Variants in SULF1 observed in about 807,000 individuals in gnomAD.
The protein encoded by SULF1 is sulfatase 1.
SULF1 carries 46 observed loss-of-function variants against 110.5 expected under a neutral mutation model. That is an observed-to-expected ratio of 0.42 (90% CI 0.33 to 0.53). The LOEUF (loss-of-function observed/expected upper bound fraction) is 0.53. Ranked by LOEUF, SULF1 falls within the 20% of genes least tolerant of loss-of-function variation. SULF1 has a pLI of 0.12. For synonymous variants in SULF1, 371 were observed against 387.1 expected, an observed-to-expected ratio of 0.96 and a Z score of 0.49; for missense variants, 941 against 1,094.2, an observed-to-expected ratio of 0.86 and a Z score of 1.98.
chr8:69,604,730 A>G (rs936620078), intron 12 of SULF1, 73 bp from the exon 13 acceptor site: 2 of 1,573,350 alleles, frequency 1.3e-6, no homozygotes, highest in Admixed American at 2.0e-5. Context: ...GGTAAAAAAA[A>G]AAAGGGGGCA....
At chr8:69,518,115 C>T (rs534729791) in intron 3 of SULF1, among the ~76,000 whole-genome samples, 9 of 152,212 alleles carry the variant, frequency 5.9e-5, no homozygotes, top group East Asian at 3.9e-4. Context: ...CCATTACCAC[C>T]GCCATCTTCT....
At position 69,468,508 on chromosome 8, in the gene SULF1, G is replaced by A. The variant is rs142236838; in HGVS notation, c.-391+1558G>A. Among the ~76,000 whole-genome samples, 375 of 152,168 alleles carry A rather than the reference G, an allele frequency of 2.5e-3. 2 individuals carry two copies. Among genetic ancestry groups the A allele is most frequent in the African/African-American group, 8.7e-3 (362 of 41,508 alleles). ...TATACTCTCAAACTTCTCCTTCAAT[G>A]AGAAATTATCCTCATAAATACCCAG... On this transcript the variant is annotated intron_variant, in intron 1 of 22. Transcript: ENST00000260128.
intron 18 of SULF1, among the ~76,000 whole-genome samples, chr8:69,628,567 G>A (rs534668545): frequency 2.0e-5 from 3 of 152,162 alleles, no homozygotes; most frequent in African/African-American, 4.8e-5. Context: ...AGACTCTCTC[G>A]ATGCAGTTGG....
chr8:69,595,142 G>A (rs1331761194), intron 8 of SULF1, among the ~76,000 whole-genome samples: 7 of 152,046 alleles, frequency 4.6e-5, no homozygotes, highest in Admixed American at 1.3e-4. Flanking sequence ...CTACAATTCC[G>A]TAGTTTTTTA....
chr8:69,640,869 C>A, intron 22 of SULF1, 28 bp downstream of exon 22: 1 of 1,602,412 alleles, frequency 6.2e-7, no homozygotes, highest in Non-Finnish European at 8.5e-7. Context: ...TTCTTCTCAA[C>A]AGCTTCTTCC....
chr8:69,579,324 T>C (rs1313953456), intron 6 of SULF1, among the ~76,000 whole-genome samples: 3 of 151,868 alleles, frequency 2.0e-5, no homozygotes, highest in African/African-American at 7.3e-5. Context: ...GAGGCTGAGA[T>C]GGGCGTATCA....
chr8:69,577,369 T>G (rs1805687649), intron 6 of SULF1, among the ~76,000 whole-genome samples: 1 of 152,214 alleles, frequency 6.6e-6, no homozygotes, highest in Admixed American at 6.5e-5. Context: ...GTTTTATAAC[T>G]GAGGTGGGGA....
chr8:69,533,313 T>C (rs1813228069), intron 3 of SULF1, among the ~76,000 whole-genome samples: 1 of 152,220 alleles, frequency 6.6e-6, no homozygotes, highest in African/African-American at 2.4e-5. Context: ...GGTACACATG[T>C]GCCATGGTGG....
rs141225696 is a variant in SULF1 at position 69,554,978 on chromosome 8, C to CAAAAA, written c.-133-8545_-133-8541dup. The stretch of plus-strand genomic sequence containing the variant: ...TGGGCGACAGGGCGAGATTCCATCT[C>CAAAAA]AAAAAAAAAAAAAAAAAAAACAAAA... On this transcript the variant is annotated intron_variant, in intron 3 of 22. Coordinates refer to ENST00000402687, the MANE Select transcript of SULF1 (RefSeq NM_001128205.2). Among the ~76,000 whole-genome samples, 22 of 63,480 alleles carry CAAAAA rather than the reference C, an allele frequency of 3.5e-4. 1 individual carries two copies. Among genetic ancestry groups the CAAAAA allele is most frequent in the South Asian group, 5.5e-4 (1 of 1,814 alleles). The allele number at this position is 63,480 out of a possible 152,430, so 41.6% of individuals were successfully genotyped here. A position where few individuals can be genotyped will look rare whatever the true frequency, so the allele number is the denominator to read the frequency against.
chr8:69,537,586 G>T (rs938941925), intron 3 of SULF1, among the ~76,000 whole-genome samples: 2 of 152,180 alleles, frequency 1.3e-5, no homozygotes, highest in African/African-American at 4.8e-5. Flanking sequence ...CATTCAAGGG[G>T]ATTCGTCCTC....
At chr8:69,499,720 A>G (rs1810655704) in intron 2 of SULF1, among the ~76,000 whole-genome samples, 1 of 152,218 alleles carries the variant, frequency 6.6e-6, no homozygotes, top group Non-Finnish European at 1.5e-5. Context: ...GCCCATAACA[A>G]TTAAATTATT....
chr8:69,636,522 G>A (rs762019913), intron 19 of SULF1, among the ~76,000 whole-genome samples: 2 of 151,126 alleles, frequency 1.3e-5, no homozygotes, highest in African/African-American at 2.5e-5. Flanking sequence ...GGGCGACAGA[G>A]CGATACTCCA....
At chr8:69,616,057 C>T (rs184529000) in intron 13 of SULF1, among the ~76,000 whole-genome samples, 15 of 150,390 alleles carry the variant, frequency 1.0e-4, no homozygotes, top group Admixed American at 2.0e-4. Flanking sequence ...TATATATACA[C>T]ACACATATAT....
At chr8:69,514,536 C>T (rs906753916) in intron 3 of SULF1, among the ~76,000 whole-genome samples, 6 of 152,286 alleles carry the variant, frequency 3.9e-5, no homozygotes, top group African/African-American at 1.4e-4. Flanking sequence ...TTCCTCTGGC[C>T]ACTCTCAAAT....
At chr8:69,474,216 T>C (rs1419530612) in intron 1 of SULF1, among the ~76,000 whole-genome samples, 1 of 152,194 alleles carries the variant, frequency 6.6e-6, no homozygotes, top group Admixed American at 6.5e-5. Flanking sequence ...TATACCAGAA[T>C]TATGGTGGGA....
intron 3 of SULF1, among the ~76,000 whole-genome samples, chr8:69,537,684 C>T (rs763896947): frequency 3.3e-5 from 5 of 152,182 alleles, no homozygotes; most frequent in Non-Finnish European, 7.3e-5. Flanking sequence ...CAGTTACTAT[C>T]CTGCCATATG....
At chr8:69,527,437 A>G (rs1812777059) in intron 3 of SULF1, among the ~76,000 whole-genome samples, 1 of 152,094 alleles carries the variant, frequency 6.6e-6, no homozygotes, top group Non-Finnish European at 1.5e-5. Flanking sequence ...AGAGGAAAGA[A>G]CTAGAGGTCA....
chr8:69,660,426 T>C lies in SULF1; in HGVS notation c.*1891T>C, dbSNP rs1813030242. 1 of 152,616 alleles carries C rather than the reference T, an allele frequency of 6.6e-6. No individual in the cohort carries two copies. The highest frequency in any genetic ancestry group is 1.5e-5 in the Non-Finnish European group (1 of 68,036). 9.5% of individuals were successfully genotyped at this position (152,616 alleles called of 1,614,324 possible). A position where few individuals can be genotyped will look rare whatever the true frequency, so the allele number is the denominator to read the frequency against. On this transcript the variant is annotated 3_prime_UTR_variant, in exon 23 of 23. Transcript: ENST00000402687. The stretch of plus-strand genomic sequence containing the variant: ...TTTTGAAAATCTGTATTCTTGAAAA[T>C]ATCCTTGTTGTGTATTAGGTTTTTA...
chr8:69,529,417 T>A (rs1812934326), intron 3 of SULF1, among the ~76,000 whole-genome samples: 1 of 152,242 alleles, frequency 6.6e-6, no homozygotes, highest in African/African-American at 2.4e-5. Context: ...AATCGCACCT[T>A]CAGTTGTTTA....
Sources: gnomAD v4.1 joint callset for allele counts (sites outside exome capture counted in the v4.1 genomes callset) on GRCh38, gnomAD v4.1.1 for gene constraint, MANE v1.5 for transcripts, NCBI Gene and HGNC (gene_info 2026-07-23, HGNC 2026-07-21) for gene names.